C5orf24: variants seen among roughly 807,000 people sequenced by gnomAD.
C5orf24 encodes chromosome 5 open reading frame 24, also known as UPF0461 protein C5orf24.
In C5orf24, 4 loss-of-function variants were observed where a neutral mutation model predicts 9.8. The ratio of observed to expected loss-of-function variants is 0.41; its 90% CI spans 0.20 to 0.93. The LOEUF is 0.93. C5orf24 is among the 40% of genes least tolerant of loss of function. The probability of loss-of-function intolerance (pLI) is 0.33; values close to 1 mark genes in which losing one functional copy is unlikely to be tolerated. For missense variants in C5orf24, 170 were observed against 236.9 expected (o/e 0.72, Z 1.85); for synonymous variants, 73 against 81.3 (o/e 0.90, Z 0.55).
At chr5:134,848,440 T>C (rs1440677309) in intron 1 of C5orf24, among the ~76,000 whole-genome samples, 1 of 149,512 alleles carries the variant, frequency 6.7e-6, no homozygotes, top group African/African-American at 2.5e-5. Flanking sequence ...GCGAATCACC[T>C]GAACTCGGGA....
chr5:134,853,377 A>C (rs944254217), intron 1 of C5orf24, among the ~76,000 whole-genome samples: 9 of 150,840 alleles, frequency 6.0e-5, no homozygotes, highest in African/African-American at 1.9e-4. Context: ...AAAAAAAAAA[A>C]AAACCTGTCA....
chr5:134,843,012 CTG>C (rs1391241369), upstream of C5orf24, among the ~76,000 whole-genome samples: 1 of 151,282 alleles, frequency 6.6e-6, no homozygotes, highest in African/African-American at 2.4e-5. Flanking sequence ...GACAGTCTCA[CTG>C]TTGCCCAGAC....
chr5:134,840,323 AAAAAG>A, the C5orf24 span, among the ~76,000 whole-genome samples: 2 of 151,442 alleles, frequency 1.3e-5, no homozygotes. Context: ...AAAAAAAAAA[AAAAAG>A]AACAGGGAAG....
intron 1 of C5orf24, among the ~76,000 whole-genome samples, chr5:134,848,220 A>T (rs1580838811): frequency 6.6e-6 from 1 of 152,020 alleles, no homozygotes; most frequent in Admixed American, 6.6e-5. Flanking sequence ...CTGAGGCAGG[A>T]GAATGGCGAG....
intron 1 of C5orf24, chr5:134,846,524 C>G (rs1022422021): frequency 6.6e-6 from 1 of 152,242 alleles, no homozygotes; most frequent in Non-Finnish European, 1.5e-5. Flanking sequence ...TGCCCGTGGA[C>G]TTCTACGCTT....
upstream of C5orf24, among the ~76,000 whole-genome samples, chr5:134,841,225 G>A (rs1185123370): frequency 1.3e-5 from 2 of 151,646 alleles, no homozygotes; most frequent in Admixed American, 1.3e-4. Flanking sequence ...TAAAAATAAC[G>A]TTTGTAGTTT....
chr5:134,855,687 C>T lies in C5orf24; in HGVS notation c.*220C>T. On this transcript the variant is annotated 3_prime_UTR_variant, in exon 2 of 2. Coordinates refer to ENST00000394976, the MANE Select transcript of C5orf24 (RefSeq NM_001135586.1). Reference sequence around the variant, plus strand: ...TATTTGTACATAGGTTCAAGTGTAACACCTAACTAAATCATTTTTCCTTTT... The same window carrying T: ...TATTTGTACATAGGTTCAAGTGTAATACCTAACTAAATCATTTTTCCTTTT... The T allele has an allele frequency of 7.0e-7, 1 of 1,421,182 alleles. No homozygotes were observed. The highest frequency in any genetic ancestry group is 2.7e-5 in the East Asian group (1 of 37,554). 88.0% of individuals were successfully genotyped at this position (1,421,182 alleles called of 1,614,324 possible). A position where few individuals can be genotyped will look rare whatever the true frequency, so the allele number is the denominator to read the frequency against.
rs931254987 is a variant in C5orf24 at position 134,856,572 on chromosome 5, C to G, written c.*1105C>G. 2.6e-6 allele frequency: 1 copy of G among 380,826 alleles called. No individual in the cohort carries two copies. The highest frequency in any genetic ancestry group is 3.8e-6 in the Non-Finnish European group (1 of 265,388). 23.6% of individuals were successfully genotyped at this position (380,826 alleles called of 1,614,324 possible). On this transcript the variant is annotated 3_prime_UTR_variant, in exon 2 of 2. Coordinates refer to ENST00000394976, the MANE Select transcript of C5orf24 (RefSeq NM_001135586.1). ...AGGAGAATTGCTTAAATCCAGGAGGCGGAGGTTGCAGTGAGCCAAGATTGT... is the reference window on the plus strand; with the variant it reads ...AGGAGAATTGCTTAAATCCAGGAGGGGGAGGTTGCAGTGAGCCAAGATTGT...
intron 1 of C5orf24, among the ~76,000 whole-genome samples, chr5:134,853,680 A>T (rs1756229283): frequency 6.6e-6 from 1 of 152,064 alleles, no homozygotes; most frequent in East Asian, 1.9e-4. Flanking sequence ...TTCTTTAATA[A>T]GTCACAGGGC....
intron 1 of C5orf24, among the ~76,000 whole-genome samples, chr5:134,852,565 T>C (rs1024952144): frequency 1.3e-5 from 2 of 152,234 alleles, no homozygotes; most frequent in Non-Finnish European, 2.9e-5. Flanking sequence ...TAGGAGTAAC[T>C]GTTTTCATAA....
At position 134,856,220 on chromosome 5, in the gene C5orf24, T is replaced by G. The variant is rs1756308939; in HGVS notation, c.*753T>G. 2 of 991,838 alleles carry G rather than the reference T, an allele frequency of 2.0e-6. No homozygotes were observed. The highest frequency in any genetic ancestry group is 1.2e-4 in the Admixed American group (2 of 16,258). 61.4% of individuals were successfully genotyped at this position (991,838 alleles called of 1,614,324 possible). On this transcript the variant is annotated 3_prime_UTR_variant, in exon 2 of 2. Coordinates refer to ENST00000394976, the MANE Select transcript of C5orf24 (RefSeq NM_001135586.1). ...TATTTTATAAAAACTGCACATTACA[T>G]TTTTGGTGAAATATAGTGCATTCTG...
At position 134,856,741 on chromosome 5, in the gene C5orf24, T is replaced by C. The variant is rs1580846907; in HGVS notation, c.*1274T>C. 2 of 999,772 alleles carry C rather than the reference T, an allele frequency of 2.0e-6. No homozygotes were observed. The highest frequency in any genetic ancestry group is 2.4e-6 in the Non-Finnish European group (2 of 829,544). The allele number at this position is 999,772 out of a possible 1,614,324, so 61.9% of individuals were successfully genotyped here. On this transcript the variant is annotated 3_prime_UTR_variant, in exon 2 of 2. Transcript: ENST00000394976. ...CGTTTTTAGTTTTTCTCAGAAATTGTCCCATTGCATTAGCACTTACTGTGT... is the reference window on the plus strand; with the variant it reads ...CGTTTTTAGTTTTTCTCAGAAATTGCCCCATTGCATTAGCACTTACTGTGT...
At chr5:134,839,497 A>G in the C5orf24 span, among the ~76,000 whole-genome samples, 7 of 152,136 alleles carry the variant, frequency 4.6e-5, no homozygotes, top group African/African-American at 1.7e-4. Context: ...AATAAATACT[A>G]TATAGAAGAT....
At position 134,846,022 on chromosome 5, in the gene C5orf24, G is replaced by T. The variant is rs1479575401; in HGVS notation, c.-194G>T. Reference sequence around the variant, plus strand: ...TACTGCGTCCGGGGCAGGACCGTGCGCGGCGGCCGCGGCGGGTGCTGGGAG... The same window carrying T: ...TACTGCGTCCGGGGCAGGACCGTGCTCGGCGGCCGCGGCGGGTGCTGGGAG... On this transcript the variant is annotated 5_prime_UTR_variant, in exon 1 of 2. Transcript: ENST00000394976. 1 of 152,288 alleles carries T rather than the reference G, an allele frequency of 6.6e-6. No homozygotes were observed. Among genetic ancestry groups the T allele is most frequent in the Non-Finnish European group, 1.5e-5 (1 of 68,138 alleles). The allele number at this position is 152,288 out of a possible 1,614,324, so 9.4% of individuals were successfully genotyped here.
intron 1 of C5orf24, among the ~76,000 whole-genome samples, chr5:134,853,024 G>T (rs1471081014): frequency 2.6e-5 from 4 of 152,102 alleles, no homozygotes; most frequent in African/African-American, 9.7e-5. Context: ...TATTCGCCGG[G>T]CGTGGTGGCG....
chr5:134,845,983 T>C lies in C5orf24; in HGVS notation c.-233T>C, dbSNP rs535574059. 2 of 152,206 alleles carry C rather than the reference T, an allele frequency of 1.3e-5. No homozygotes were observed. The highest frequency in any genetic ancestry group is 4.8e-5 in the African/African-American group (2 of 41,442). The allele number at this position is 152,206 out of a possible 1,614,324, so 9.4% of individuals were successfully genotyped here. On this transcript the variant is annotated 5_prime_UTR_variant, in exon 1 of 2. Transcript: ENST00000394976. ...CGCCGCCTCTAACACTACAGGGTGG[T>C]AGCGGCCTCTTCGTACTGCGTCCGG...
chr5:134,857,476 C>A lies in C5orf24; in HGVS notation c.*2009C>A. On this transcript the variant is annotated 3_prime_UTR_variant, in exon 2 of 2. Coordinates refer to ENST00000394976, the MANE Select transcript of C5orf24 (RefSeq NM_001135586.1). ...ATGTGGGGACTATGTGCACTGGCGT[C>A]TAAGACAGTGACCTCAACAATATTA... 6.9e-7 allele frequency: 1 copy of A among 1,446,630 alleles called. No homozygotes were observed. The highest frequency in any genetic ancestry group is 1.5e-5 in the South Asian group (1 of 66,196). The allele number at this position is 1,446,630 out of a possible 1,614,324, so 89.6% of individuals were successfully genotyped here.
the C5orf24 span, among the ~76,000 whole-genome samples, chr5:134,837,020 T>A: frequency 6.6e-6 from 1 of 150,952 alleles, no homozygotes; most frequent in East Asian, 2.0e-4. Context: ...GTTGCCCAGG[T>A]TGGAGTGCAA....
chr5:134,844,891 C>T (rs1330313610), upstream of C5orf24, among the ~76,000 whole-genome samples: 1 of 152,182 alleles, frequency 6.6e-6, no homozygotes, highest in Non-Finnish European at 1.5e-5. Context: ...GTGCGCACCA[C>T]CATGCCCAAC....
Sources: allele counts gnomAD v4.1 joint callset (sites outside exome capture counted in the v4.1 genomes callset), GRCh38; gene constraint gnomAD v4.1.1; transcripts MANE v1.5; gene names NCBI Gene and HGNC (gene_info 2026-07-23, HGNC 2026-07-21).